Variants in GRB2 observed in about 807,000 individuals in gnomAD.
GRB2 encodes the protein growth factor receptor bound protein 2.
In GRB2, 2 loss-of-function variants were observed where a neutral mutation model predicts 27.4. The observed-to-expected ratio is 0.07, with a 90% CI of 0.03 to 0.23. The LOEUF is 0.23. GRB2 is among the 10% of genes least tolerant of loss of function. GRB2 has a pLI of 1.00. For missense variants in GRB2, 102 were observed against 282.4 expected (o/e 0.36, Z 4.58); for synonymous variants, 94 against 99.6 (o/e 0.94, Z 0.33).
chr17:75,350,220 T>A (rs766092529), intron 2 of GRB2, among the ~76,000 whole-genome samples: 7 of 123,650 alleles, frequency 5.7e-5, no homozygotes, highest in Non-Finnish European at 1.0e-4. Context: ...TATAGCAAGA[T>A]CTCATCTCTG....
At chr17:75,380,432 T>C (rs558719006) in intron 2 of GRB2, among the ~76,000 whole-genome samples, 1 of 152,316 alleles carries the variant, frequency 6.6e-6, no homozygotes, top group African/African-American at 2.4e-5. Flanking sequence ...AAACCAACTG[T>C]TACCCAACAT....
intron 2 of GRB2, among the ~76,000 whole-genome samples, chr17:75,349,475 G>A (rs958229697): frequency 1.3e-5 from 2 of 150,862 alleles, no homozygotes; most frequent in African/African-American, 2.4e-5. Flanking sequence ...AGATCAAGGG[G>A]CTGGTTCGAG....
intron 2 of GRB2, among the ~76,000 whole-genome samples, chr17:75,348,807 C>G (rs1567863331): frequency 1.3e-5 from 2 of 152,188 alleles, no homozygotes. Flanking sequence ...TCCTGAGTAG[C>G]TGGGACTACA....
chr17:75,344,692 C>T (rs1273883952), intron 2 of GRB2, among the ~76,000 whole-genome samples: 2 of 152,124 alleles, frequency 1.3e-5, no homozygotes, highest in African/African-American at 4.8e-5. Flanking sequence ...CCGCGCTCGG[C>T]CTCAACTGTA....
At chr17:75,404,640 A>G (rs181403247) in intron 1 of GRB2, among the ~76,000 whole-genome samples, 2 of 152,176 alleles carry the variant, frequency 1.3e-5, no homozygotes, top group Admixed American at 6.5e-5. Flanking sequence ...AAGGAAGGAA[A>G]TAACTGGAGA....
At chr17:75,396,020 T>C (rs1159044429) in intron 1 of GRB2, among the ~76,000 whole-genome samples, 1 of 152,060 alleles carries the variant, frequency 6.6e-6, no homozygotes, top group Non-Finnish European at 1.5e-5. Context: ...ATATTTTTAG[T>C]AGAGACGGGA....
chr17:75,385,701 C>T (rs962191849), intron 2 of GRB2, among the ~76,000 whole-genome samples: 38 of 152,142 alleles, frequency 2.5e-4, no homozygotes, highest in Middle Eastern at 3.4e-3. Flanking sequence ...ACAAGATTTG[C>T]GTGAGATTAA....
intron 2 of GRB2, chr17:75,339,249 A>G: frequency 3.2e-6 from 2 of 626,872 alleles, no homozygotes; most frequent in Non-Finnish European, 2.8e-6. Flanking sequence ...GCTGGAGTGC[A>G]GTGGCACGAT....
At chr17:75,364,470 GA>G (rs1225634591) in intron 2 of GRB2, among the ~76,000 whole-genome samples, 1 of 152,086 alleles carries the variant, frequency 6.6e-6, no homozygotes, top group East Asian at 1.9e-4. Context: ...GGTCCACCCA[GA>G]AAAACCAGAT....
intron 2 of GRB2, among the ~76,000 whole-genome samples, chr17:75,347,152 T>C (rs567553007): frequency 1.3e-5 from 2 of 152,144 alleles, no homozygotes; most frequent in Non-Finnish European, 2.9e-5. Flanking sequence ...CACTGCATTA[T>C]CCCTGTGGTT....
At chr17:75,341,683 T>C (rs1027780838) in intron 2 of GRB2, among the ~76,000 whole-genome samples, 8 of 152,100 alleles carry the variant, frequency 5.3e-5, no homozygotes, top group Non-Finnish European at 1.2e-4. Context: ...TACTTCCCTC[T>C]GCCTATGAAG....
At chr17:75,343,841 G>A (rs1006883926) in intron 2 of GRB2, among the ~76,000 whole-genome samples, 2 of 152,148 alleles carry the variant, frequency 1.3e-5, no homozygotes, top group Non-Finnish European at 2.9e-5. Context: ...AGAAAGGAGA[G>A]GAAGGGAGGG....
At chr17:75,399,744 G>A (rs1045512564) in intron 1 of GRB2, among the ~76,000 whole-genome samples, 8 of 149,674 alleles carry the variant, frequency 5.3e-5, no homozygotes, top group South Asian at 4.3e-4. Flanking sequence ...ATCTTGGCTC[G>A]CTGCAAGCTC....
At chr17:75,404,120 A>C (rs2079082119) in intron 1 of GRB2, among the ~76,000 whole-genome samples, 1 of 152,192 alleles carries the variant, frequency 6.6e-6, no homozygotes, top group African/African-American at 2.4e-5. Flanking sequence ...CTAAAAAAAA[A>C]AAGTCACTGA....
chr17:75,331,303 C>T lies in GRB2; in HGVS notation c.176+1397G>A, dbSNP rs560323970. Among the ~76,000 whole-genome samples the T allele has an allele frequency of 2.6e-5, 4 of 152,264 alleles. No individual in the cohort carries two copies. The East Asian group carries it at 7.7e-4, about 29-fold the overall frequency. The stretch of plus-strand genomic sequence containing the variant: ...GTCTGCAAATAACAACACAGCTGAG[C>T]CTGTGCTGGGTGCTTCTCCATCAAT... On this transcript the variant is annotated intron_variant, in intron 3 of 5. Coordinates refer to ENST00000316804, the MANE Select transcript of GRB2 (RefSeq NM_002086.5).
chr17:75,328,699 G>C (rs1183268849), intron 3 of GRB2, among the ~76,000 whole-genome samples: 1 of 152,072 alleles, frequency 6.6e-6, no homozygotes, highest in Admixed American at 6.6e-5. Flanking sequence ...AGCACTTTGG[G>C]AGGCCGAGGC....
rs1157980902 is a variant in GRB2, at chr17:75,319,319, A to T, written c.*1049T>A. ...CTTATTTTAAAACAAAACAAATTAA[A>T]AAAAAAAAAAAAACACCACTCAGAA... is the stretch of plus-strand genomic sequence containing the variant. On this transcript the variant is annotated 3_prime_UTR_variant, in exon 6 of 6. Transcript: ENST00000316804. 6.0e-5 allele frequency: 2 copies of T among 33,564 alleles called. No homozygotes were observed. Among genetic ancestry groups the T allele is most frequent in the Non-Finnish European group, 2.2e-4 (1 of 4,600 alleles). 2.1% of individuals were successfully genotyped at this position (33,564 alleles called of 1,614,324 possible).
chr17:75,321,410 CAA>C (rs779865967), intron 5 of GRB2, among the ~76,000 whole-genome samples: 4 of 152,086 alleles, frequency 2.6e-5, no homozygotes, highest in Non-Finnish European at 5.9e-5. Context: ...CACCTGACCT[CAA>C]GAGATCTGCC....
intron 2 of GRB2, among the ~76,000 whole-genome samples, chr17:75,390,442 G>A (rs2078991092): frequency 6.6e-6 from 1 of 152,130 alleles, no homozygotes; most frequent in Admixed American, 6.5e-5. Flanking sequence ...CCCTACAATG[G>A]TGGGAGGAAT....
Sources: allele counts gnomAD v4.1 joint callset (sites outside exome capture counted in the v4.1 genomes callset), GRCh38; gene constraint gnomAD v4.1.1; transcripts MANE v1.5; gene names NCBI Gene and HGNC (gene_info 2026-07-23, HGNC 2026-07-21).